Variants in CABIN1 observed in about 807,000 individuals in gnomAD.
The protein encoded by CABIN1 is calcineurin-binding protein cabin-1.
A neutral mutation model predicts 227.7 loss-of-function variants in CABIN1; 133 were observed. The observed-to-expected ratio is 0.58, with a 90% CI of 0.51 to 0.67. The LOEUF (loss-of-function observed/expected upper bound fraction) is 0.67, where lower values mean the gene tolerates loss of function less well. CABIN1 is among the 30% of genes least tolerant of loss of function. The pLI, the probability that CABIN1 is intolerant of heterozygous loss-of-function variation, is 0.00. For missense variants in CABIN1, 2,408 were observed against 2,852.5 expected (o/e 0.84, Z 3.55); for synonymous variants, 1,086 against 1,155.1 (o/e 0.94, Z 1.21).
At chr22:24,164,687 C>G (rs1206655514) in intron 30 of CABIN1, 124 bp downstream of exon 30, 7 of 1,120,656 alleles carry the variant, frequency 6.2e-6, no homozygotes, top group African/African-American at 1.5e-5. Flanking sequence ...CCTGGACCAG[C>G]TCTTCATTCT....
At chr22:24,041,849 A>G (rs1234020764) in intron 5 of CABIN1, among the ~76,000 whole-genome samples, 2 of 152,214 alleles carry the variant, frequency 1.3e-5, no homozygotes, top group Non-Finnish European at 2.9e-5. Context: ...TGATGAGGAA[A>G]TGGAGGCTCA....
intron 1 of CABIN1, among the ~76,000 whole-genome samples, chr22:24,016,955 C>CCA (rs2035335577): frequency 6.6e-6 from 1 of 151,302 alleles, no homozygotes; most frequent in South Asian, 2.1e-4. Context: ...TATTTTTTCT[C>CCA]CATTTGTCTA....
chr22:24,114,426 G>A (rs2042974411), intron 27 of CABIN1, among the ~76,000 whole-genome samples: 1 of 151,982 alleles, frequency 6.6e-6, no homozygotes, highest in Non-Finnish European at 1.5e-5. Context: ...TCCTCAAACA[G>A]TAATAACAAC....
At chr22:24,037,674 A>T (rs1431218460) in intron 3 of CABIN1, among the ~76,000 whole-genome samples, 1 of 152,114 alleles carries the variant, frequency 6.6e-6, no homozygotes, top group Non-Finnish European at 1.5e-5. Context: ...TTCCCCCCAT[A>T]CCAATTCTCC....
chr22:24,032,353 G>A (rs972389267), intron 1 of CABIN1, among the ~76,000 whole-genome samples: 7 of 152,184 alleles, frequency 4.6e-5, no homozygotes, highest in African/African-American at 1.4e-4. Context: ...GTATTCTGTT[G>A]TATGTATACA....
rs558496192 is a variant in CABIN1, at chr22:24,095,910, C to T, written c.3787-21C>T. On this transcript the variant is annotated intron_variant, in intron 24 of 36. Coordinates refer to ENST00000263119, the MANE Select transcript of CABIN1 (RefSeq NM_012295.4). ...TTAGCAACTGGGAAGGCTGCTCACA[C>T]TAGAGGTGTCGTTCTCCTAGGTGTA... 17 of 1,613,802 alleles carry T rather than the reference C, an allele frequency of 1.1e-5. No homozygotes were observed. The South Asian group carries it at 1.8e-4, about 17-fold the overall frequency.
chr22:24,150,018 C>T (rs1268488327), intron 29 of CABIN1, among the ~76,000 whole-genome samples: 1 of 152,204 alleles, frequency 6.6e-6, no homozygotes, highest in Non-Finnish European at 1.5e-5. Flanking sequence ...GTGTGGGGCA[C>T]CAAAAGAGGC....
At chr22:24,098,309 GAC>G in intron 26 of CABIN1, 117 bp downstream of exon 26, 1 of 1,578,342 alleles carries the variant, frequency 6.3e-7, no homozygotes, top group Non-Finnish European at 8.6e-7. Context: ...GGTCTGGGGT[GAC>G]ACGGGCAATG....
intron 29 of CABIN1, among the ~76,000 whole-genome samples, chr22:24,153,852 A>C (rs919367218): frequency 6.6e-6 from 1 of 152,098 alleles, no homozygotes; most frequent in Non-Finnish European, 1.5e-5. Flanking sequence ...AGAAGCCCTG[A>C]GCTCCCCTCT....
Position 24,054,946 on chromosome 22 carries a change from C to G in CABIN1, c.880C>G (p.Leu294Val). 6.2e-7 allele frequency: 1 copy of G among 1,614,250 alleles called. No individual in the cohort carries two copies. Residue 294 changes from leucine (L) to valine (V), a missense_variant, in exon 9 of 37, where the codon CTT (leucine) becomes GTT (valine). Coordinates refer to ENST00000263119, the MANE Select transcript of CABIN1 (RefSeq NM_012295.4). The stretch of plus-strand genomic sequence containing the variant: ...CACCTGTGAGCCCCCACGTCCCAGC[C>G]TTGGCAAAAGGATTGATTTGTCGGA... ...LTTCEPPRPS[L>V]GKRIDLSDYQ... is the part of the protein sequence containing the mutation.
intron 29 of CABIN1, among the ~76,000 whole-genome samples, chr22:24,163,763 G>C (rs895401776): frequency 3.9e-5 from 6 of 152,312 alleles, no homozygotes; most frequent in Middle Eastern, 6.8e-3. Context: ...TGATAGGTAG[G>C]GGGTGCCCAG....
chr22:24,022,440 A>G (rs772533378), intron 1 of CABIN1, among the ~76,000 whole-genome samples: 5 of 152,192 alleles, frequency 3.3e-5, no homozygotes, highest in Non-Finnish European at 7.3e-5. Context: ...TCATATATCA[A>G]TTGTTTGTTC....
intron 31 of CABIN1, 72 bp from the exon 32 acceptor site, chr22:24,166,567 C>T: frequency 6.3e-7 from 1 of 1,596,382 alleles, no homozygotes; most frequent in South Asian, 1.1e-5. Flanking sequence ...GTTGGGCTCA[C>T]CAGCCCCCAG....
chr22:24,039,908 T>C (rs555267007), intron 4 of CABIN1, among the ~76,000 whole-genome samples: 3 of 152,272 alleles, frequency 2.0e-5, no homozygotes, highest in Non-Finnish European at 4.4e-5. Context: ...AGATAGGCCC[T>C]GGACCCCAGC....
At chr22:24,164,600 G>C in intron 30 of CABIN1, 37 bp downstream of exon 30, 1 of 1,596,240 alleles carries the variant, frequency 6.3e-7, no homozygotes, top group East Asian at 2.2e-5. Context: ...CTGGCATGCT[G>C]TGTGGGTCAG....
At chr22:24,073,385 G>A (rs2040227753) in intron 18 of CABIN1, among the ~76,000 whole-genome samples, 1 of 152,114 alleles carries the variant, frequency 6.6e-6, no homozygotes, top group African/African-American at 2.4e-5. Flanking sequence ...GTTTATTGAA[G>A]ATTTTTCCTC....
rs1048828406 is a variant in CABIN1 at position 24,092,666 on chromosome 22, A to AT, written c.3786+831dup. Among the ~76,000 whole-genome samples the AT allele has an allele frequency of 1.3e-3, 169 of 125,664 alleles. 1 individual carries two copies. Among genetic ancestry groups the AT allele is most frequent in the Admixed American group, 0.012 (152 of 12,418 alleles). 82.4% of individuals were successfully genotyped at this position (125,664 alleles called of 152,430 possible). A position where few individuals can be genotyped will look rare whatever the true frequency, so the allele number is the denominator to read the frequency against. ...CTGCTTGCTTTTTTCTGCCTTTGTGATTTTTTTTCCTGATTATAAAAGTGT... is the reference window on the plus strand; with the variant it reads ...CTGCTTGCTTTTTTCTGCCTTTGTGATTTTTTTTTCCTGATTATAAAAGTGT... On this transcript the variant is annotated intron_variant, in intron 24 of 36. Transcript: ENST00000263119.
chr22:24,014,555 C>T (rs2035095397), intron 1 of CABIN1, among the ~76,000 whole-genome samples: 1 of 152,040 alleles, frequency 6.6e-6, no homozygotes, highest in Non-Finnish European at 1.5e-5. Flanking sequence ...ATACCATTTT[C>T]TACAGTTACT....
rs1310754710 is a variant in CABIN1, at chr22:24,119,703, G to A, written c.4632+5G>A. On this transcript the variant is annotated splice_donor_5th_base_variant and intron_variant, in intron 28 of 36. Coordinates refer to ENST00000263119, the MANE Select transcript of CABIN1 (RefSeq NM_012295.4). The stretch of plus-strand genomic sequence containing the variant: ...ACCTACAGCAAGACCCACCGGGTGA[G>A]TGGCTGCCGGGCCAAGGGGGCTTGG... The A allele has an allele frequency of 6.2e-7, 1 of 1,613,504 alleles. No homozygotes were observed.
Sources: allele counts gnomAD v4.1 joint callset (sites outside exome capture counted in the v4.1 genomes callset), GRCh38; gene constraint gnomAD v4.1.1; transcripts MANE v1.5; gene names NCBI Gene and HGNC (gene_info 2026-07-23, HGNC 2026-07-21).